Variants in LYST observed in about 807,000 individuals in gnomAD.
LYST encodes lysosomal trafficking regulator, also known as lysosomal-trafficking regulator.
In LYST, 192 loss-of-function variants were observed where a neutral mutation model predicts 413.6. The ratio of observed to expected loss-of-function variants is 0.46; its 90% CI spans 0.41 to 0.52. LYST has a LOEUF of 0.52. Among genes scored for constraint, LYST ranks in the 20% least tolerant of loss-of-function variants. The pLI, the probability that LYST is intolerant of heterozygous loss-of-function variation, is 0.00. For missense variants in LYST, 3,815 were observed against 4,499.9 expected, an observed-to-expected ratio of 0.85 and a Z score of 4.35; for synonymous variants, 1,525 against 1,567.3, an observed-to-expected ratio of 0.97 and a Z score of 0.64.
At chr1:235,835,551 T>C (rs1676483077) in intron 1 of LYST, among the ~76,000 whole-genome samples, 1 of 152,264 alleles carries the variant, frequency 6.6e-6, no homozygotes. Flanking sequence ...CTCTGTAGTT[T>C]ACAAAGCCTC....
At chr1:235,693,519 T>A in intron 46 of LYST, 33 bp from the exon 47 acceptor site, 1 of 1,613,430 alleles carries the variant, frequency 6.2e-7, no homozygotes, top group Non-Finnish European at 8.5e-7. Flanking sequence ...AGTATCAGAT[T>A]GTCACTGCTC....
Position 235,677,164 on chromosome 1 carries a change from C to G in LYST, c.10965G>C (p.Ala3655=), listed in dbSNP as rs762254542. 1.2e-5 allele frequency: 20 copies of G among 1,613,536 alleles called. No individual in the cohort carries two copies. In the East Asian group the frequency reaches 1.6e-4, roughly 13 times the overall value. Residue 3655 remains alanine (A), a synonymous_variant, in exon 50 of 53, where the codon GCG becomes GCC. Coordinates refer to ENST00000389793, the MANE Select transcript of LYST (RefSeq NM_000081.4). ...CAGCTGTGACAGGGCTTTTGTGTCC[C>G]GCCAGACTTTGTACATAGCATAACC... The part of the protein sequence containing the change: ...LNRLCYVQSL[A]GHKSPVTAVS...
Position 235,806,258 on chromosome 1 carries a change from C to T in LYST, c.2878G>A (p.Ala960Thr). ...CGACACATAGACCAAATGTCTGCTG[C>T]TTGGTGCATATGTTCAGGAGAAGGC... ...VLPSPEHMHQ[A>T]ADIWSMCRWI... is the part of the protein sequence containing the mutation. The change falls in exon 6 of 53, where the codon GCA becomes ACA. Residue 960 changes from alanine to threonine, a missense_variant. By Grantham distance (58) the Ala-to-Thr change is moderately conservative. This residue lies in a region of LYST where 1,648 missense variants were observed against 1,810.3 expected (regional missense o/e 0.91). Coordinates refer to ENST00000389793, the MANE Select transcript of LYST (RefSeq NM_000081.4). 1 of 1,613,962 alleles carries T rather than the reference C, an allele frequency of 6.2e-7. No individual in the cohort carries two copies. Among genetic ancestry groups the T allele is most frequent in the Non-Finnish European group, 8.5e-7 (1 of 1,179,986 alleles).
At chr1:235,792,470 A>C (rs1473635288) in intron 11 of LYST, among the ~76,000 whole-genome samples, 2 of 150,676 alleles carry the variant, frequency 1.3e-5, no homozygotes, top group African/African-American at 4.9e-5. Context: ...ACCCACCACC[A>C]CCCCCAGCTA....
In LYST at chr1:235,802,989, T is replaced by G. The variant is rs201331643; in HGVS notation, c.3631A>C (p.Ser1211Arg). 8 of 1,613,398 alleles carry G rather than the reference T, an allele frequency of 5.0e-6. No homozygotes were observed. In the East Asian group the frequency reaches 1.8e-4, roughly 36 times the overall value. Residue 1211 changes from serine (S) to arginine (R), a missense_variant, in exon 8 of 53, where the codon AGT (serine) becomes CGT (arginine). Ser to Arg is a moderately radical substitution (Grantham distance 110). Coordinates refer to ENST00000389793, the MANE Select transcript of LYST (RefSeq NM_000081.4). The stretch of plus-strand genomic sequence containing the variant: ...TCTTCTTCAACTAAAAGTTTAAAAC[T>G]ACAACACTGAGAATCCTCAGCTTCT... ...SEEAEDSQCC[S>R]FKLLVEEEGY... is the part of the protein sequence containing the mutation.
chr1:235,746,901 A>G (rs1458333971), intron 28 of LYST, among the ~76,000 whole-genome samples: 1 of 152,226 alleles, frequency 6.6e-6, no homozygotes, highest in Admixed American at 6.5e-5. Flanking sequence ...TTTAATGCAC[A>G]TAATTTTTTA....
chr1:235,861,207 T>G (rs1328637418), intron 1 of LYST, among the ~76,000 whole-genome samples: 1 of 152,240 alleles, frequency 6.6e-6, no homozygotes, highest in Admixed American at 6.5e-5. Context: ...ATCCATTTTA[T>G]GTTTTAATTT....
Position 235,697,137 on chromosome 1 carries a change from T to G in LYST, c.10510A>C (p.Ile3504Leu), listed in dbSNP as rs1220780574. The part of the protein sequence containing the change: ...GSLQALPTRA[I>L]CGLSRNFCLL... ...CAGAAATTCCGTGACAAACCACAGA[T>G]TGCTCTGGTGGGCAGAGCCTGGAGA... Residue 3504 changes from isoleucine (I) to leucine (L), a missense_variant, in exon 46 of 53, where the codon ATC becomes CTC. This residue lies in a region of LYST where 866 missense variants were observed against 1,156.0 expected (regional missense o/e 0.75). Coordinates refer to ENST00000389793, the MANE Select transcript of LYST (RefSeq NM_000081.4). 2 of 1,614,204 alleles carry G rather than the reference T, an allele frequency of 1.2e-6. No homozygotes were observed. The highest frequency in any genetic ancestry group is 2.2e-5 in the South Asian group (2 of 91,088).
chr1:235,830,546 T>C, intron 2 of LYST, 122 bp from the exon 3 acceptor site: 1 of 748,206 alleles, frequency 1.3e-6, no homozygotes. Context: ...TGGAAATTGG[T>C]ACTTAACCCT....
At chr1:235,781,481 G>A (rs1193724810) in intron 15 of LYST, among the ~76,000 whole-genome samples, 1 of 151,692 alleles carries the variant, frequency 6.6e-6, no homozygotes, top group African/African-American at 2.4e-5. Context: ...TGAGGTTTAA[G>A]GACATATTTT....
At chr1:235,862,806 AACAC>A (rs57043954) in intron 1 of LYST, among the ~76,000 whole-genome samples, 8,285 of 121,434 alleles carry the variant, frequency 0.068, 242 homozygotes, top group African/African-American at 0.1. Flanking sequence ...AAAACAAACA[AACAC>A]ACACACACAC....
At chr1:235,689,408 A>G (rs1660475197) in intron 47 of LYST, among the ~76,000 whole-genome samples, 1 of 152,166 alleles carries the variant, frequency 6.6e-6, no homozygotes. Flanking sequence ...AAAGACAAAT[A>G]CTGTATGATC....
intron 1 of LYST, among the ~76,000 whole-genome samples, chr1:235,840,736 C>T (rs1677110947): frequency 6.6e-6 from 1 of 152,178 alleles, no homozygotes; most frequent in South Asian, 2.1e-4. Context: ...GTGGAAGACA[C>T]ATTTTATGGA....
Position 235,806,643 on chromosome 1 carries a change from CTG to C in LYST, c.2491_2492del (p.Gln831GlufsTer9). ...ETLIISLGEQ[Q>X]KDASVPDIDG... ...CAATATCTGGAACTGAGGCATCTTT[CTG>C]TTGCTCCCCTAGGCTGATTATCAGA... On this transcript the variant is annotated frameshift_variant, in exon 6 of 53. Transcript: ENST00000389793. LOFTEE classifies it high-confidence loss of function. 1 of 1,614,052 alleles carries C rather than the reference CTG, an allele frequency of 6.2e-7. No homozygotes were observed. Among genetic ancestry groups the C allele is most frequent in the Non-Finnish European group, 8.5e-7 (1 of 1,179,958 alleles).
At chr1:235,770,988 C>T (rs1668610480) in intron 19 of LYST, among the ~76,000 whole-genome samples, 1 of 152,166 alleles carries the variant, frequency 6.6e-6, no homozygotes, top group African/African-American at 2.4e-5. Flanking sequence ...TCCTAATTGA[C>T]CTTTCAATAA....
chr1:235,859,127 TTATATC>T (rs1258639705), intron 1 of LYST, among the ~76,000 whole-genome samples: 1 of 152,224 alleles, frequency 6.6e-6, no homozygotes, highest in African/African-American at 2.4e-5. Flanking sequence ...GGATACTAAC[TTATATC>T]TATATCTACC....
At chr1:235,812,105 G>A (rs1673509381) in intron 4 of LYST, among the ~76,000 whole-genome samples, 2 of 151,976 alleles carry the variant, frequency 1.3e-5, no homozygotes, top group Admixed American at 6.6e-5. Flanking sequence ...AACATTTAAA[G>A]TTTCATGTAC....
chr1:235,837,828 C>T (rs1003203331), intron 1 of LYST, among the ~76,000 whole-genome samples: 10 of 150,612 alleles, frequency 6.6e-5, no homozygotes, highest in Admixed American at 3.3e-4. Flanking sequence ...TGCAAGGGAA[C>T]GGGTGATGGC....
chr1:235,837,326 C>T (rs1039040540), intron 1 of LYST, among the ~76,000 whole-genome samples: 1 of 152,022 alleles, frequency 6.6e-6, no homozygotes, highest in Admixed American at 6.6e-5. Context: ...CCAATGCTAT[C>T]AAAAATTCTG....
Sources: allele counts gnomAD v4.1 joint callset (sites outside exome capture counted in the v4.1 genomes callset), GRCh38; gene constraint gnomAD v4.1.1; regional missense constraint gnomAD v4.1.1; transcripts MANE v1.5; gene names NCBI Gene and HGNC (gene_info 2026-07-23, HGNC 2026-07-21).